Variants in NAV1 observed in about 807,000 individuals in gnomAD.
The protein encoded by NAV1 is neuron navigator 1.
NAV1 carries 18 observed loss-of-function variants against 175.2 expected under a neutral mutation model. That is an observed-to-expected ratio of 0.10 (90% CI 0.07 to 0.15). The LOEUF (loss-of-function observed/expected upper bound fraction) is 0.15. NAV1 is among the 10% of genes least tolerant of loss of function. The pLI is 1.00. For missense variants in NAV1, 1,731 were observed against 2,436.6 expected (o/e 0.71, Z 6.10); for synonymous variants, 897 against 978.7 (o/e 0.92, Z 1.56).
Position 201,624,660 on chromosome 1 carries a change from T to A in NAV1, c.-101+1054T>A, listed in dbSNP as rs532642466. Among the ~76,000 whole-genome samples, 20 of 152,204 alleles carry A rather than the reference T, an allele frequency of 1.3e-4. No homozygotes were observed. In the East Asian group the frequency reaches 2.3e-3, roughly 18 times the overall value. On this transcript the variant is annotated intron_variant, in intron 1 of 29. Transcript: ENST00000367302. ...CGCACCCAGCAAACTATGCTTTTTT[T>A]AAAAAATAAAAATATAATTATACTA...
chr1:201,680,820 G>T (rs755215230), intron 1 of NAV1, among the ~76,000 whole-genome samples: 1 of 152,180 alleles, frequency 6.6e-6, no homozygotes, highest in Non-Finnish European at 1.5e-5. Flanking sequence ...ACAGAGAAAG[G>T]AGAATGGTGG....
chr1:201,698,001 G>T (rs1009940951), intron 1 of NAV1, among the ~76,000 whole-genome samples: 2 of 152,144 alleles, frequency 1.3e-5, no homozygotes, highest in African/African-American at 4.8e-5. Context: ...ACAGGGCATT[G>T]AATACCTTGC....
chr1:201,659,137 C>T (rs1369138721), intron 1 of NAV1, among the ~76,000 whole-genome samples: 5 of 152,208 alleles, frequency 3.3e-5, no homozygotes, highest in African/African-American at 7.2e-5. Flanking sequence ...CTACCTATAG[C>T]AGAACCAAGA....
intron 3 of NAV1, among the ~76,000 whole-genome samples, chr1:201,770,312 T>A (rs547897184): frequency 6.6e-6 from 1 of 152,224 alleles, no homozygotes; most frequent in African/African-American, 2.4e-5. Flanking sequence ...ACAGAGGAGA[T>A]GGATGCATCA....
intron 1 of NAV1, among the ~76,000 whole-genome samples, chr1:201,554,320 T>A (rs1387668952): frequency 1.3e-5 from 2 of 152,180 alleles, no homozygotes; most frequent in East Asian, 3.8e-4. Context: ...ATGATGAAGC[T>A]GTTTTACCAG....
chr1:201,760,481 T>G (rs573993022), intron 3 of NAV1, among the ~76,000 whole-genome samples: 1 of 152,344 alleles, frequency 6.6e-6, no homozygotes, highest in African/African-American at 2.4e-5. Context: ...TCCTCTGCAT[T>G]TAGTGTAGGG....
chr1:201,788,487 C>G lies in NAV1; in HGVS notation c.3015C>G (p.Thr1005=). ...TTCCAGTGAGTCCCACTGCGGCCAC[C>G]ACGCCAAGAATCACCCGCTCCAACA... The change falls in exon 10 of 30, where the codon ACC becomes ACG. Residue 1005 remains threonine, a synonymous_variant. Coordinates refer to ENST00000367296, the Ensembl canonical transcript of NAV1. This position sits in a 1 kb window ranked among gnomAD's most constrained non-coding sequence, Gnocchi z 5.7. The G allele has an allele frequency of 6.2e-7, 1 of 1,614,126 alleles. No homozygotes were observed. Among genetic ancestry groups the G allele is most frequent in the Non-Finnish European group, 8.5e-7 (1 of 1,180,012 alleles).
At chr1:201,783,008 C>T (rs368349457) in intron 6 of NAV1, 139 bp downstream of exon 10, 4 of 703,898 alleles carry the variant, frequency 5.7e-6, no homozygotes, top group African/African-American at 5.4e-5. Flanking sequence ...CCACCTCTCC[C>T]CCATATGCCA....
chr1:201,814,274 G>A (rs2102825187), intron 28 of NAV1, among the ~76,000 whole-genome samples: 1 of 151,546 alleles, frequency 6.6e-6, no homozygotes, highest in Non-Finnish European at 1.5e-5. Flanking sequence ...GGAGGGTGAG[G>A]CCAGAAGATC....
chr1:201,602,926 G>A (rs976939459), intron 2 of NAV1, among the ~76,000 whole-genome samples: 1 of 152,174 alleles, frequency 6.6e-6, no homozygotes, highest in African/African-American at 2.4e-5. Context: ...GATGCTGTTG[G>A]TATTATTGGA....
chr1:201,579,766 A>G (rs946892877), intron 1 of NAV1, among the ~76,000 whole-genome samples: 4 of 152,216 alleles, frequency 2.6e-5, no homozygotes, highest in Non-Finnish European at 5.9e-5. Flanking sequence ...AAGGAAAAGT[A>G]CTTGTATTAG....
intron 1 of NAV1, among the ~76,000 whole-genome samples, chr1:201,674,394 G>T (rs542245585): frequency 2.0e-5 from 3 of 152,034 alleles, no homozygotes; most frequent in Non-Finnish European, 2.9e-5. Flanking sequence ...TGTGTGTTGG[G>T]GGGGGTTGTC....
rs201685139 is a variant in NAV1 at position 201,709,143 on chromosome 1, TC to T, written c.758-3672del. 9.5e-3 allele frequency among the ~76,000 whole-genome samples: 720 copies of T among 75,652 alleles called. 17 individuals carry two copies. The highest frequency in any genetic ancestry group is 0.018 in the South Asian group (48 of 2,682). 49.6% of individuals were successfully genotyped at this position (75,652 alleles called of 152,430 possible). A position where few individuals can be genotyped will look rare whatever the true frequency, so the allele number is the denominator to read the frequency against. ...CCAGGAGACAGAGTAAGACCCTGTC[TC>T]CAAAAAAAAAAAAAAAACCATTGAA... On this transcript the variant is annotated intron_variant, in intron 1 of 29. Coordinates refer to ENST00000367296, the Ensembl canonical transcript of NAV1.
intron 1 of NAV1, among the ~76,000 whole-genome samples, chr1:201,669,636 T>C (rs1263863403): frequency 6.6e-6 from 1 of 152,204 alleles, no homozygotes; most frequent in Non-Finnish European, 1.5e-5. Context: ...CTGAGGCTGC[T>C]GTGGGGAGAG....
intron 3 of NAV1, among the ~76,000 whole-genome samples, chr1:201,741,662 C>T (rs925623184): frequency 4.6e-5 from 7 of 152,194 alleles, no homozygotes; most frequent in African/African-American, 1.7e-4. Flanking sequence ...TTTGCTTCCC[C>T]AATGCCTGGA....
intron 1 of NAV1, among the ~76,000 whole-genome samples, chr1:201,586,592 C>T (rs1009406558): frequency 6.6e-6 from 1 of 151,974 alleles, no homozygotes; most frequent in African/African-American, 2.4e-5. Context: ...GCTGCCTTCT[C>T]CCTGGGTCCT....
At position 201,814,278 on chromosome 1, in the gene NAV1, GA is replaced by G. The variant is rs538464285; in HGVS notation, c.5340+1022del. Among the ~76,000 whole-genome samples the G allele has an allele frequency of 4.0e-5, 6 of 151,370 alleles. No homozygotes were observed. In the South Asian group the frequency reaches 1.3e-3, roughly 32 times the overall value. On this transcript the variant is annotated intron_variant, in intron 28 of 29. Transcript: ENST00000367296. ...CCAGCTACTCTGGAGGGTGAGGCCA[GA>G]AGATCACTTGAGGCCAGGATATACA...
In NAV1 at chr1:201,575,550, G is replaced by T. The variant is rs566775555; in HGVS notation, c.-143-12989G>T. ...ATCAGGGAGGCGTGTCCAATGGGATGATGAAGGTGTTTGCCCTTAGGCTGC... is the reference window on the plus strand; with the variant it reads ...ATCAGGGAGGCGTGTCCAATGGGATTATGAAGGTGTTTGCCCTTAGGCTGC... On this transcript the variant is annotated intron_variant, in intron 1 of 33. Coordinates refer to the NAV1 transcript ENST00000685211. Among the ~76,000 whole-genome samples the T allele has an allele frequency of 2.3e-3, 353 of 152,336 alleles. 1 individual carries two copies. The highest frequency in any genetic ancestry group is 4.0e-3 in the Non-Finnish European group (272 of 68,036).
chr1:201,679,300 G>C (rs376983756), intron 1 of NAV1, among the ~76,000 whole-genome samples: 2 of 152,134 alleles, frequency 1.3e-5, no homozygotes, highest in Admixed American at 1.3e-4. Context: ...GTGCATCTGG[G>C]AAAGTGAGTC....
Sources: gnomAD v4.1 joint callset for allele counts (sites outside exome capture counted in the v4.1 genomes callset) on GRCh38, gnomAD v4.1.1 for gene constraint, Gnocchi (gnomAD v3.1) non-coding constraint, MANE v1.5 for transcripts, NCBI Gene and HGNC (gene_info 2026-07-23, HGNC 2026-07-21) for gene names.